TMC7: variants seen among roughly 807,000 people sequenced by gnomAD.
TMC7 encodes transmembrane channel-like protein 7.
A neutral mutation model predicts 82.9 loss-of-function variants in TMC7; 54 were observed. The observed-to-expected ratio is 0.65, with a 90% CI of 0.52 to 0.82. TMC7 has a LOEUF of 0.82. Among genes scored for constraint, TMC7 ranks in the 40% least tolerant of loss-of-function variants. The pLI is 0.00. For missense variants in TMC7, 820 were observed against 901.2 expected (o/e 0.91, Z 1.15); for synonymous variants, 350 against 337.9 (o/e 1.04, Z -0.39).
intron 5 of TMC7, among the ~76,000 whole-genome samples, chr16:19,025,781 A>G (rs1960195931): frequency 6.6e-6 from 1 of 151,208 alleles, no homozygotes; most frequent in Non-Finnish European, 1.5e-5. Context: ...TTTTTGAGAC[A>G]AGATCTGGCT....
At chr16:18,994,299 A>AGCC (rs1370094401) in intron 1 of TMC7, among the ~76,000 whole-genome samples, 3 of 152,106 alleles carry the variant, frequency 2.0e-5, no homozygotes, top group Admixed American at 6.6e-5. Context: ...CAGCAGCAGC[A>AGCC]GCCGCCACAT....
At chr16:19,020,711 CAT>C (rs2142207539) in intron 3 of TMC7, among the ~76,000 whole-genome samples, 1 of 151,454 alleles carries the variant, frequency 6.6e-6, no homozygotes, top group African/African-American at 2.4e-5. Context: ...GTACTAAAAA[CAT>C]AAAAATTAGC....
chr16:19,049,717 C>T, intron 12 of TMC7: 2 of 954,222 alleles, frequency 2.1e-6, no homozygotes, highest in Non-Finnish European at 2.5e-6. Flanking sequence ...TCACTCACAC[C>T]AGGCATGTCC....
At chr16:19,053,810 T>C (rs13334585) in intron 13 of TMC7, among the ~76,000 whole-genome samples, 1,668 of 152,090 alleles carry the variant, frequency 0.011, 32 homozygotes, top group African/African-American at 0.038. Flanking sequence ...TTAATTTTCC[T>C]GAGTGATGGT....
intron 9 of TMC7, among the ~76,000 whole-genome samples, chr16:19,044,611 C>A (rs909911098): frequency 1.3e-5 from 2 of 151,604 alleles, no homozygotes; most frequent in African/African-American, 4.8e-5. Flanking sequence ...ACCACCTGGG[C>A]AATATGGTGA....
chr16:19,017,667 GT>G (rs35738895), intron 3 of TMC7, among the ~76,000 whole-genome samples: 31,839 of 110,566 alleles, frequency 0.29, 3,138 homozygotes, highest in African/African-American at 0.31. Context: ...TCAAAAAACA[GT>G]TTTTTTTTTT....
At chr16:18,994,930 G>T (rs984012533) in intron 1 of TMC7, among the ~76,000 whole-genome samples, 1 of 152,108 alleles carries the variant, frequency 6.6e-6, no homozygotes, top group Non-Finnish European at 1.5e-5. Flanking sequence ...ATGGTAAGGG[G>T]TGCATGATCC....
rs760359195 is a variant in TMC7, at chr16:18,988,156, C to CTT, written c.67+4043_67+4044dup. Reference sequence around the variant, plus strand: ...GTTAATTTTCTTTTCTTCTCTCTTTCTTTTTTTTTTTTTTTTTTGATGGAG... The same window carrying CTT: ...GTTAATTTTCTTTTCTTCTCTCTTTCTTTTTTTTTTTTTTTTTTTTGATGGAG... On this transcript the variant is annotated intron_variant, in intron 1 of 15. Transcript: ENST00000304381. Among the ~76,000 whole-genome samples, 33 of 128,968 alleles carry CTT rather than the reference C, an allele frequency of 2.6e-4. 1 individual carries two copies. In the South Asian group the frequency reaches 3.3e-3, roughly 13 times the overall value. The allele number at this position is 128,968 out of a possible 152,430, so 84.6% of individuals were successfully genotyped here.
intron 1 of TMC7, among the ~76,000 whole-genome samples, chr16:19,006,064 C>T (rs370282238): frequency 3.5e-4 from 54 of 152,348 alleles, no homozygotes; most frequent in South Asian, 1.7e-3. Flanking sequence ...CATCCTCATC[C>T]GGTTGGTGCC....
intron 13 of TMC7, among the ~76,000 whole-genome samples, chr16:19,052,537 G>A (rs1462509070): frequency 1.3e-5 from 2 of 152,136 alleles, no homozygotes; most frequent in Non-Finnish European, 2.9e-5. Flanking sequence ...CCTGTACTGG[G>A]TGCGGTGGCT....
chr16:19,036,048 T>C (rs1221804281), intron 7 of TMC7, among the ~76,000 whole-genome samples: 1 of 151,960 alleles, frequency 6.6e-6, no homozygotes, highest in East Asian at 1.9e-4. Flanking sequence ...GACTGGGAAG[T>C]GGGGTGGGGA....
intron 3 of TMC7, among the ~76,000 whole-genome samples, chr16:19,019,879 T>C (rs988703812): frequency 1.3e-5 from 2 of 152,210 alleles, no homozygotes; most frequent in Non-Finnish European, 2.9e-5. Context: ...TTCTTGCCTC[T>C]GGCAGATTGC....
At chr16:19,028,011 T>C (rs1411615571) in intron 5 of TMC7, among the ~76,000 whole-genome samples, 3 of 152,174 alleles carry the variant, frequency 2.0e-5, no homozygotes, top group African/African-American at 7.2e-5. Context: ...TCTGTGCACT[T>C]ACATGGTCTT....
At chr16:19,005,147 G>T (rs552058281) in intron 1 of TMC7, among the ~76,000 whole-genome samples, 1 of 151,706 alleles carries the variant, frequency 6.6e-6, no homozygotes, top group African/African-American at 2.4e-5. Context: ...GGAGTGCAAT[G>T]GCAAAATCTT....
chr16:19,016,618 C>G lies in TMC7; in HGVS notation c.460+20C>G. Reference sequence around the variant, plus strand: ...TAGAAGGTATGCTGTCCTCACCTCTCTGCAGGCTCCTCCGCAGAAGTCTGT... The same window carrying G: ...TAGAAGGTATGCTGTCCTCACCTCTGTGCAGGCTCCTCCGCAGAAGTCTGT... On this transcript the variant is annotated intron_variant, in intron 3 of 15. Coordinates refer to ENST00000304381, the MANE Select transcript of TMC7 (RefSeq NM_024847.4). 3 of 1,610,156 alleles carry G rather than the reference C, an allele frequency of 1.9e-6. No individual in the cohort carries two copies. Among genetic ancestry groups the G allele is most frequent in the Non-Finnish European group, 2.5e-6 (3 of 1,178,540 alleles).
At chr16:19,019,964 C>T (rs925978182) in intron 3 of TMC7, among the ~76,000 whole-genome samples, 6 of 152,170 alleles carry the variant, frequency 3.9e-5, no homozygotes, top group African/African-American at 1.4e-4. Context: ...TTTGCCCCTA[C>T]CAAGAACAAG....
At chr16:19,016,182 C>T (rs759339989) in intron 2 of TMC7, among the ~76,000 whole-genome samples, 9 of 152,010 alleles carry the variant, frequency 5.9e-5, no homozygotes, top group South Asian at 2.1e-4. Context: ...CCGCAACCTC[C>T]GCCTCCCAGA....
chr16:19,005,211 C>T (rs1363938035), intron 1 of TMC7, among the ~76,000 whole-genome samples: 1 of 151,914 alleles, frequency 6.6e-6, no homozygotes, highest in African/African-American at 2.4e-5. Flanking sequence ...GCTTCAGCCT[C>T]CCAAGTTAGC....
intron 1 of TMC7, among the ~76,000 whole-genome samples, chr16:18,995,434 G>A (rs1196079755): frequency 1.3e-5 from 2 of 152,206 alleles, no homozygotes; most frequent in African/African-American, 4.8e-5. Context: ...ATCAGTCAGC[G>A]AGCCTTGGGC....
Sources: allele counts gnomAD v4.1 joint callset (sites outside exome capture counted in the v4.1 genomes callset), GRCh38; gene constraint gnomAD v4.1.1; transcripts MANE v1.5; gene names NCBI Gene and HGNC (gene_info 2026-07-23, HGNC 2026-07-21).